Variants in CRB1 observed in about 807,000 individuals in gnomAD.
CRB1 encodes the protein crumbs cell polarity complex component 1, also known as protein crumbs homolog 1.
CRB1 carries 83 observed loss-of-function variants against 120.0 expected under a neutral mutation model. The observed-to-expected ratio is 0.69, with a 90% CI of 0.58 to 0.83. The LOEUF (loss-of-function observed/expected upper bound fraction) is 0.83. CRB1 is among the 40% of genes least tolerant of loss of function. CRB1 has a pLI of 0.00. For missense variants in CRB1, 1,699 were observed against 1,687.6 expected, an observed-to-expected ratio of 1.01 and a Z score of -0.12; for synonymous variants, 625 against 612.5, an observed-to-expected ratio of 1.02 and a Z score of -0.30.
the CRB1 span, among the ~76,000 whole-genome samples, chr1:197,258,289 T>C: frequency 7.2e-5 from 11 of 152,296 alleles, no homozygotes; most frequent in African/African-American, 2.6e-4. Context: ...TTCCTTCCTT[T>C]TTTTTGCGTG....
chr1:197,369,594 A>G lies in CRB1; in HGVS notation c.1171+12581A>G, dbSNP rs537733776. ...ATTAATTTCTGAAGAAGCTATAATC[A>G]GCATTGATTACAACTTTCCCTAAAG... On this transcript the variant is annotated intron_variant, in intron 5 of 11. Coordinates refer to ENST00000367400, the MANE Select transcript of CRB1 (RefSeq NM_201253.3). Among the ~76,000 whole-genome samples the G allele has an allele frequency of 5.9e-5, 9 of 152,318 alleles. No homozygotes were observed. The South Asian group carries it at 1.7e-3, about 28-fold the overall frequency.
upstream of CRB1, among the ~76,000 whole-genome samples, chr1:197,266,394 C>A (rs3762253): frequency 0.58 from 88,121 of 151,858 alleles, 29,166 homozygotes; most frequent in East Asian, 0.91. Flanking sequence ...GGGCAGTAAT[C>A]CCATTCATGA....
chr1:197,267,318 T>TA (rs1654672857), upstream of CRB1, among the ~76,000 whole-genome samples: 1 of 152,308 alleles, frequency 6.6e-6, no homozygotes, highest in South Asian at 2.1e-4. Context: ...TTTAAATGGA[T>TA]AAATCCTACT....
chr1:197,369,134 C>A (rs1007396988), intron 5 of CRB1, among the ~76,000 whole-genome samples: 1 of 152,114 alleles, frequency 6.6e-6, no homozygotes, highest in Admixed American at 6.5e-5. Context: ...CATGAGGATG[C>A]CCATCTTGAC....
the CRB1 span, among the ~76,000 whole-genome samples, chr1:197,253,954 T>A: frequency 1.3e-5 from 2 of 152,082 alleles, no homozygotes; most frequent in Admixed American, 1.3e-4. Context: ...AATAAACACA[T>A]CAGCAAATAA....
chr1:197,252,582 A>ATATATATATATG, the CRB1 span, among the ~76,000 whole-genome samples: 7 of 15,506 alleles, frequency 4.5e-4, no homozygotes, highest in African/African-American at 4.9e-4. Context: ...ATATATATAT[A>ATATATATATATG]TGTGTGTGTG....
intron 5 of CRB1, among the ~76,000 whole-genome samples, chr1:197,417,741 A>T (rs1430950067): frequency 6.6e-6 from 1 of 152,178 alleles, no homozygotes; most frequent in African/African-American, 2.4e-5. Flanking sequence ...TGTATCAGTC[A>T]AGTGAATAAT....
chr1:197,232,709 G>A, the CRB1 span, among the ~76,000 whole-genome samples: 3 of 152,066 alleles, frequency 2.0e-5, no homozygotes, highest in Non-Finnish European at 4.4e-5. Context: ...TAACAAAAAG[G>A]GCTCTTAGAA....
chr1:197,308,027 T>A (rs1657275413), intron 1 of CRB1, among the ~76,000 whole-genome samples: 1 of 152,082 alleles, frequency 6.6e-6, no homozygotes, highest in African/African-American at 2.4e-5. Context: ...AGTAAATACA[T>A]GGAATCAATC....
chr1:197,292,661 A>G (rs1369147534), intron 1 of CRB1, among the ~76,000 whole-genome samples: 1 of 152,186 alleles, frequency 6.6e-6, no homozygotes, highest in Non-Finnish European at 1.5e-5. Flanking sequence ...AAAATCCTCA[A>G]TAAAATACTG....
At chr1:197,282,893 C>G (rs530332096) in intron 1 of CRB1, among the ~76,000 whole-genome samples, 1 of 151,748 alleles carries the variant, frequency 6.6e-6, no homozygotes, top group Non-Finnish European at 1.5e-5. Flanking sequence ...TATAAGTCCC[C>G]TCTCCTGGGT....
At chr1:197,413,007 G>C (rs1663791257) in intron 5 of CRB1, among the ~76,000 whole-genome samples, 1 of 151,938 alleles carries the variant, frequency 6.6e-6, no homozygotes, top group Non-Finnish European at 1.5e-5. Flanking sequence ...GCCCCTCTCA[G>C]GTAACATTTT....
chr1:197,222,310 A>G, the CRB1 span: 1 of 690,508 alleles, frequency 1.4e-6, no homozygotes, highest in South Asian at 1.4e-5. Context: ...AGAAATGGAA[A>G]TTGGCCTATA....
At chr1:197,351,384 AAAGG>A (rs1660096225) in intron 4 of CRB1, among the ~76,000 whole-genome samples, 2 of 150,674 alleles carry the variant, frequency 1.3e-5, no homozygotes, top group Non-Finnish European at 3.0e-5. Flanking sequence ...AAAAAAAAAA[AAAGG>A]AGAAGAAAAG....
At chr1:197,232,313 C>A in the CRB1 span, among the ~76,000 whole-genome samples, 6 of 152,072 alleles carry the variant, frequency 3.9e-5, no homozygotes, top group Admixed American at 6.6e-5. Context: ...TAATTTGTTA[C>A]AGTAGTAATG....
chr1:197,387,483 T>G (rs556474774), intron 5 of CRB1, among the ~76,000 whole-genome samples: 132 of 152,196 alleles, frequency 8.7e-4, no homozygotes, highest in Non-Finnish European at 1.5e-3. Context: ...AACAGAAAGT[T>G]CCCTGTGCCG....
At chr1:197,473,438 C>T (rs1315452046) in intron 11 of CRB1, among the ~76,000 whole-genome samples, 3 of 152,022 alleles carry the variant, frequency 2.0e-5, no homozygotes, top group Non-Finnish European at 4.4e-5. Context: ...TAGGCCAGAA[C>T]CCAGTTAATG....
the CRB1 span, among the ~76,000 whole-genome samples, chr1:197,245,606 T>TG: frequency 6.6e-6 from 1 of 152,144 alleles, no homozygotes; most frequent in Admixed American, 6.6e-5. Flanking sequence ...TGTCTTTTCT[T>TG]TTTTTCCCAT....
At chr1:197,222,664 G>C in the CRB1 span, 2 of 781,566 alleles carry the variant, frequency 2.6e-6, no homozygotes. Flanking sequence ...GTCACCTTAG[G>C]ACAGCTCCAT....
Sources: allele counts gnomAD v4.1 joint callset (sites outside exome capture counted in the v4.1 genomes callset), GRCh38; gene constraint gnomAD v4.1.1; transcripts MANE v1.5; gene names NCBI Gene and HGNC (gene_info 2026-07-23, HGNC 2026-07-21).